The following SLC12A6 variants were observed in gnomAD, a reference collection of about 807,000 sequenced individuals.
SLC12A6 encodes K-Cl cotransporter 3.
Under a neutral mutation model 135.3 loss-of-function variants are expected in SLC12A6, and 66 were observed. The observed-to-expected ratio is 0.49, with a 90% CI of 0.40 to 0.60. SLC12A6 has a LOEUF of 0.60. Ranked by LOEUF, SLC12A6 falls within the 20% of genes least tolerant of loss-of-function variation. The probability of loss-of-function intolerance (pLI) is 0.00; values close to 1 mark genes in which losing one functional copy is unlikely to be tolerated. For synonymous variants in SLC12A6, 513 were observed against 508.8 expected, an observed-to-expected ratio of 1.01 and a Z score of -0.11; for missense variants, 1,058 against 1,452.3, an observed-to-expected ratio of 0.73 and a Z score of 4.41.
intron 4 of SLC12A6, among the ~76,000 whole-genome samples, chr15:34,259,632 C>T (rs1892980211): frequency 6.6e-6 from 1 of 152,188 alleles, no homozygotes; most frequent in Admixed American, 6.5e-5. Flanking sequence ...GAGCAAGACC[C>T]TGTCTCAAAA....
chr15:34,314,651 A>G (rs1157123196), intron 2 of SLC12A6: 3 of 152,564 alleles, frequency 2.0e-5, no homozygotes, highest in Non-Finnish European at 4.4e-5. Flanking sequence ...AGCAAAGTAC[A>G]GTGAAAATGA....
At position 34,328,677 on chromosome 15, in the gene SLC12A6, G is replaced by A. The variant is rs113527365; in HGVS notation, c.271+7733C>T. ...GCAGATCGCTTGAGCTCAGGAGTTC[G>A]AGACCAACCTGAGCAACATGGCAAA... On this transcript the variant is annotated intron_variant, in intron 2 of 25. Transcript: ENST00000354181. Among the ~76,000 whole-genome samples, 271 of 152,158 alleles carry A rather than the reference G, an allele frequency of 1.8e-3. 3 individuals carry two copies. Among genetic ancestry groups the A allele is most frequent in the African/African-American group, 6.3e-3 (260 of 41,476 alleles).
intron 2 of SLC12A6, among the ~76,000 whole-genome samples, chr15:34,298,584 T>C (rs1177480205): frequency 6.6e-6 from 1 of 151,854 alleles, no homozygotes; most frequent in Non-Finnish European, 1.5e-5. Flanking sequence ...CATGAAAAAG[T>C]AGAAAAATGG....
In SLC12A6 at chr15:34,238,440, G is replaced by C. The variant is rs200060026; in HGVS notation, c.2633-39C>G. The C allele has an allele frequency of 2.7e-6, 4 of 1,504,306 alleles. No individual in the cohort carries two copies. In the East Asian group the frequency reaches 9.0e-5, roughly 34 times the overall value. The allele number at this position is 1,504,306 out of a possible 1,614,324, so 93.2% of individuals were successfully genotyped here. A position where few individuals can be genotyped will look rare whatever the true frequency, so the allele number is the denominator to read the frequency against. ...AGAATAAGCAGAGAAGAATCCTTAG[G>C]CTTGCCTTGCTTCCTAGCATGTCAG... is the stretch of plus-strand genomic sequence containing the variant. On this transcript the variant is annotated intron_variant, in intron 20 of 25. Coordinates refer to ENST00000354181, the MANE Select transcript of SLC12A6 (RefSeq NM_001365088.1).
chr15:34,261,442 C>T (rs939268721), intron 3 of SLC12A6, among the ~76,000 whole-genome samples: 8 of 152,210 alleles, frequency 5.3e-5, no homozygotes, highest in Admixed American at 1.3e-4. Context: ...AGTACAGGCA[C>T]GCACCACCAT....
intron 2 of SLC12A6, among the ~76,000 whole-genome samples, chr15:34,276,627 G>T (rs1379784180): frequency 6.6e-6 from 1 of 152,134 alleles, no homozygotes; most frequent in African/African-American, 2.4e-5. Flanking sequence ...TTAGACCAGG[G>T]TTTATGTGAA....
At chr15:34,278,290 G>T (rs1259085532) in intron 2 of SLC12A6, among the ~76,000 whole-genome samples, 3 of 152,118 alleles carry the variant, frequency 2.0e-5, no homozygotes, top group Admixed American at 1.3e-4. Flanking sequence ...AGCTGGGCGT[G>T]GTGGCGTGCA....
intron 2 of SLC12A6, among the ~76,000 whole-genome samples, chr15:34,329,333 A>C (rs540566010): frequency 5.3e-5 from 8 of 152,380 alleles, no homozygotes; most frequent in East Asian, 3.9e-4. Context: ...AGGGCAAAAG[A>C]AGCAGCAGCC....
chr15:34,237,280 T>G, intron 22 of SLC12A6, 139 bp downstream of exon 22: 2 of 627,268 alleles, frequency 3.2e-6, no homozygotes, highest in Non-Finnish European at 5.3e-6. Context: ...AATTAGGGTT[T>G]TTTTTTGTTT....
intron 7 of SLC12A6, 25 bp downstream of exon 7, chr15:34,256,204 T>A: frequency 6.7e-7 from 1 of 1,491,344 alleles, no homozygotes; most frequent in African/African-American, 1.4e-5. Context: ...TGATAAATCC[T>A]GAAATACAAC....
At chr15:34,273,017 A>C (rs1352037880) in intron 3 of SLC12A6, among the ~76,000 whole-genome samples, 2 of 152,190 alleles carry the variant, frequency 1.3e-5, no homozygotes, top group Non-Finnish European at 2.9e-5. Flanking sequence ...TATACAGAAG[A>C]CTAATTTTGA....
chr15:34,297,877 A>G (rs1895979192), intron 2 of SLC12A6, among the ~76,000 whole-genome samples: 1 of 152,206 alleles, frequency 6.6e-6, no homozygotes, highest in Non-Finnish European at 1.5e-5. Context: ...GCAAGGAAAC[A>G]TGAGTACAAA....
chr15:34,238,629 C>G, intron 20 of SLC12A6: 1 of 603,846 alleles, frequency 1.7e-6, no homozygotes, highest in South Asian at 2.0e-5. Flanking sequence ...TACTACATTT[C>G]TAAGGGGGGA....
chr15:34,292,932 G>A (rs998278969), intron 2 of SLC12A6, among the ~76,000 whole-genome samples: 13 of 152,196 alleles, frequency 8.5e-5, no homozygotes, highest in African/African-American at 1.7e-4. Context: ...GGCTTCCCTT[G>A]GCTAGGAAAG....
In SLC12A6 at chr15:34,230,213, A is replaced by T. The variant is rs11544435; in HGVS notation, c.*3668T>A. ...TCACTTCTATTTAATACAAGCTGGGACATAAAAATTCTGTTGGGGATACCT... is the reference window on the plus strand; with the variant it reads ...TCACTTCTATTTAATACAAGCTGGGTCATAAAAATTCTGTTGGGGATACCT... On this transcript the variant is annotated 3_prime_UTR_variant, in exon 26 of 26. Coordinates refer to ENST00000354181, the MANE Select transcript of SLC12A6 (RefSeq NM_001365088.1). The T allele has an allele frequency of 0.022, 3,808 of 171,338 alleles. 155 individuals are homozygous for T. Among genetic ancestry groups the T allele is most frequent in the African/African-American group, 0.086 (3,625 of 42,112 alleles). The allele number at this position is 171,338 out of a possible 1,614,324, so 10.6% of individuals were successfully genotyped here. A position where few individuals can be genotyped will look rare whatever the true frequency, so the allele number is the denominator to read the frequency against.
chr15:34,233,425 T>G lies in SLC12A6; in HGVS notation c.*456A>C, dbSNP rs187535372. ...GCTTGCCGAGGATAATAGGTCCAAA[T>G]ATACTTGACCATAAATTCTTTAGTA... On this transcript the variant is annotated 3_prime_UTR_variant, in exon 26 of 26. Coordinates refer to ENST00000354181, the MANE Select transcript of SLC12A6 (RefSeq NM_001365088.1). 17 of 172,400 alleles carry G rather than the reference T, an allele frequency of 9.9e-5. No individual in the cohort carries two copies. The highest frequency in any genetic ancestry group is 2.8e-4 in the Admixed American group (5 of 18,166). The allele number at this position is 172,400 out of a possible 1,614,324, so 10.7% of individuals were successfully genotyped here. A position where few individuals can be genotyped will look rare whatever the true frequency, so the allele number is the denominator to read the frequency against.
At chr15:34,305,997 G>A (rs577986602) in intron 2 of SLC12A6, among the ~76,000 whole-genome samples, 32 of 151,930 alleles carry the variant, frequency 2.1e-4, no homozygotes, top group South Asian at 4.2e-4. Flanking sequence ...TCCTGACCTC[G>A]TGATCCGCCC....
chr15:34,304,462 A>G (rs1160110680), intron 2 of SLC12A6, among the ~76,000 whole-genome samples: 1 of 152,212 alleles, frequency 6.6e-6, no homozygotes, highest in Non-Finnish European at 1.5e-5. Context: ...AGAAACTGTC[A>G]AATTGTTTTC....
At chr15:34,278,541 C>T (rs934516245) in intron 2 of SLC12A6, among the ~76,000 whole-genome samples, 4 of 152,154 alleles carry the variant, frequency 2.6e-5, no homozygotes, top group Non-Finnish European at 4.4e-5. Context: ...TTCCTTTGAA[C>T]ACCCTCCTAT....
Sources: allele counts gnomAD v4.1 joint callset (sites outside exome capture counted in the v4.1 genomes callset), GRCh38; gene constraint gnomAD v4.1.1; transcripts MANE v1.5; gene names NCBI Gene and HGNC (gene_info 2026-07-23, HGNC 2026-07-21).